Variants in NAALAD2 observed in about 807,000 individuals in gnomAD.
NAALAD2 encodes the protein N-acetylated-alpha-linked acidic dipeptidase 2.
In NAALAD2, 89 loss-of-function variants were observed where a neutral mutation model predicts 95.6. The ratio of observed to expected loss-of-function variants is 0.93; its 90% CI spans 0.78 to 1.11. The LOEUF is 1.11. Ranked by LOEUF, NAALAD2 falls within the 50% of genes least tolerant of loss-of-function variation. The pLI, the probability that NAALAD2 is intolerant of heterozygous loss-of-function variation, is 0.00. For synonymous variants in NAALAD2, 264 were observed against 294.4 expected, an observed-to-expected ratio of 0.90 and a Z score of 1.06; for missense variants, 894 against 872.4, an observed-to-expected ratio of 1.02 and a Z score of -0.31.
intron 15 of NAALAD2, 25 bp downstream of exon 15, chr11:90,176,087 A>G (rs774872987): frequency 1.9e-6 from 3 of 1,556,564 alleles, no homozygotes; most frequent in Non-Finnish European, 2.7e-6. Context: ...CATTTTGAAT[A>G]TATAACATTT....
chr11:90,158,254 T>G lies in NAALAD2; in HGVS notation c.890+16T>G, dbSNP rs1429767346. 1.3e-6 allele frequency: 2 copies of G among 1,563,184 alleles called. No individual in the cohort carries two copies. The highest frequency in any genetic ancestry group is 2.7e-5 in the African/African-American group (2 of 73,854). On this transcript the variant is annotated intron_variant, in intron 7 of 18. Coordinates refer to ENST00000534061, the MANE Select transcript of NAALAD2 (RefSeq NM_005467.4). ...TATTATTACGGTATAGTTTTCTTGT[T>G]GGATATGAGATTAAGATATTTTGCA...
At chr11:90,140,945 A>G (rs1486679892) in intron 2 of NAALAD2, among the ~76,000 whole-genome samples, 1 of 152,162 alleles carries the variant, frequency 6.6e-6, no homozygotes, top group East Asian at 1.9e-4. Context: ...CAACTGCTCT[A>G]TCACCATTTG....
intron 4 of NAALAD2, 145 bp from the exon 5 acceptor site, chr11:90,150,337 G>T: frequency 2.4e-6 from 1 of 410,336 alleles, no homozygotes; most frequent in South Asian, 6.8e-5. Flanking sequence ...AATGAATTCT[G>T]CATAATTACT....
rs1952083054 is a variant in NAALAD2, at chr11:90,155,682, TACA to T, written c.797-2462_797-2460del. On this transcript the variant is annotated intron_variant, in intron 6 of 18. Coordinates refer to ENST00000534061, the MANE Select transcript of NAALAD2 (RefSeq NM_005467.4). ...ATGTATTATTATTGTATGTATGTAA[TACA>T]TACATACATATGTATGTATTATTAT... Among the ~76,000 whole-genome samples, 4 of 42,116 alleles carry T rather than the reference TACA, an allele frequency of 9.5e-5. 1 individual carries two copies. Among genetic ancestry groups the T allele is most frequent in the African/African-American group, 6.7e-4 (4 of 5,992 alleles). The allele number at this position is 42,116 out of a possible 152,430, so 27.6% of individuals were successfully genotyped here.
rs1274044897 is a variant in NAALAD2, at chr11:90,173,886, C to T, written c.1473C>T (p.Asp491=). 6 of 1,612,198 alleles carry T rather than the reference C, an allele frequency of 3.7e-6. No individual in the cohort carries two copies. In the South Asian group the frequency reaches 6.6e-5, roughly 18 times the overall value. The change falls in exon 14 of 19, where the codon GAC becomes GAT. Residue 491 remains aspartate (D), a synonymous_variant. Coordinates refer to ENST00000534061, the MANE Select transcript of NAALAD2 (RefSeq NM_005467.4). The part of the protein sequence containing the change: ...KSLYESWLEK[D]PSPENKNLPR... ...TGTATGAAAGCTGGTTGGAAAAAGACCCTTCACCTGAAAATAAAAATTTGC... is the reference window on the plus strand; with the variant it reads ...TGTATGAAAGCTGGTTGGAAAAAGATCCTTCACCTGAAAATAAAAATTTGC...
At chr11:90,151,298 G>GCCC (rs1400634260) in intron 5 of NAALAD2, among the ~76,000 whole-genome samples, 8 of 152,170 alleles carry the variant, frequency 5.3e-5, no homozygotes, top group African/African-American at 1.9e-4. Flanking sequence ...ACTTAGGAAA[G>GCCC]TGGCTGGTAC....
intron 2 of NAALAD2, among the ~76,000 whole-genome samples, chr11:90,137,411 AT>A (rs142993404): frequency 0.047 from 7,228 of 152,260 alleles, 556 homozygotes; most frequent in African/African-American, 0.17. Context: ...GGTGATAGAT[AT>A]CCTAACTACT....
intron 16 of NAALAD2, among the ~76,000 whole-genome samples, chr11:90,179,494 ATAT>A (rs1200937510): frequency 6.6e-6 from 1 of 152,134 alleles, no homozygotes; most frequent in African/African-American, 2.4e-5. Context: ...TCTTTATATA[ATAT>A]TATATACAGG....
intron 8 of NAALAD2, among the ~76,000 whole-genome samples, chr11:90,159,924 A>G (rs1262369075): frequency 2.1e-5 from 3 of 144,114 alleles, no homozygotes; most frequent in Non-Finnish European, 4.5e-5. Context: ...ATTGCACTTG[A>G]GCCTGGCCAA....
In NAALAD2 at chr11:90,135,563, G is replaced by T. The variant is rs1211282423; in HGVS notation, c.87G>T (p.Trp29Cys). 2.5e-6 allele frequency: 4 copies of T among 1,606,034 alleles called. No individual in the cohort carries two copies. The highest frequency in any genetic ancestry group is 3.4e-6 in the Non-Finnish European group (4 of 1,175,952). ...TTGTGTATTTTTTTTCCTTAGGCTG[G>T]TTTATTAAGCCTCTCAAAGAAACGA... ...ASFLMGFMVG[W>C]FIKPLKETTT... Residue 29 changes from tryptophan (W) to cysteine (C), a missense_variant, in exon 2 of 19, where the codon TGG (tryptophan) becomes TGT (cysteine). Transcript: ENST00000534061.
intron 5 of NAALAD2, 151 bp downstream of exon 5, chr11:90,150,758 G>T: frequency 2.1e-6 from 1 of 482,362 alleles, no homozygotes; most frequent in African/African-American, 2.1e-5. Context: ...GGAAACTCAT[G>T]TTTTTATGTT....
chr11:90,158,544 T>C (rs1396612850), intron 7 of NAALAD2: 1 of 254,958 alleles, frequency 3.9e-6, no homozygotes, highest in Admixed American at 5.7e-5. Flanking sequence ...ATTCATTAGA[T>C]ATTTATATTC....
chr11:90,170,166 C>T (rs3758754), intron 13 of NAALAD2, 30 bp downstream of exon 13: 507,110 of 1,309,430 alleles, frequency 0.39, 102,789 homozygotes, highest in African/African-American at 0.58. Context: ...TTCATATGTT[C>T]TCTTTTGAAT....
chr11:90,147,499 G>T lies in NAALAD2; in HGVS notation c.364G>T (p.Asp122Tyr). The T allele has an allele frequency of 1.9e-6, 3 of 1,607,210 alleles. No individual in the cohort carries two copies. Among genetic ancestry groups the T allele is most frequent in the Non-Finnish European group, 2.5e-6 (3 of 1,177,050 alleles). Residue 122 changes from aspartate to tyrosine, a missense_variant, in exon 3 of 19, where the codon GAT (aspartate) becomes TAT (tyrosine). Transcript: ENST00000534061. ...ETNANYISIV[D>Y]EHETEIFKTS... Reference sequence around the variant, plus strand: ...AAATGCCAACTATATATCGATTGTGGATGAACATGAAACTGAGGTATGTGA... The same window carrying T: ...AAATGCCAACTATATATCGATTGTGTATGAACATGAAACTGAGGTATGTGA...
At chr11:90,178,400 G>C (rs1025962909) in intron 16 of NAALAD2, among the ~76,000 whole-genome samples, 1 of 152,080 alleles carries the variant, frequency 6.6e-6, no homozygotes, top group African/African-American at 2.4e-5. Context: ...GGCTGGGTGC[G>C]GTGGCTCACG....
intron 15 of NAALAD2, among the ~76,000 whole-genome samples, chr11:90,177,586 G>GGTTT (rs1952832778): frequency 3.5e-5 from 1 of 28,456 alleles, no homozygotes; most frequent in East Asian, 1.2e-3. Context: ...TCTTTTTCTT[G>GGTTT]TTTTTTTTTT....
At position 90,170,076 on chromosome 11, in the gene NAALAD2, T is replaced by C; in HGVS notation, c.1350T>C (p.Tyr450=). 1.3e-6 allele frequency: 2 copies of C among 1,573,882 alleles called. No homozygotes were observed. Among genetic ancestry groups the C allele is most frequent in the African/African-American group, 1.3e-5 (1 of 74,190 alleles). Residue 450 remains tyrosine (Y), a synonymous_variant, in exon 13 of 19, where the codon TAT becomes TAC. Transcript: ENST00000534061. ...GTCTTATTTATTTTTCAGGCAATTA[T>C]ACTCTCAGAGTTGACTGTACTCCCC... is the stretch of plus-strand genomic sequence containing the variant. ...INSDSSIEGN[Y]TLRVDCTPLL... is the part of the protein sequence containing the mutation.
Position 90,140,802 on chromosome 11 carries a change from C to A in NAALAD2, c.194+5132C>A, listed in dbSNP as rs1185259074. On this transcript the variant is annotated intron_variant, in intron 2 of 18. Transcript: ENST00000534061. ...AGAACTCTTTGATCTGGACTTTGACCAATTTTGTCTTCTTTTTTCCCCCAG... is the reference window on the plus strand; with the variant it reads ...AGAACTCTTTGATCTGGACTTTGACAAATTTTGTCTTCTTTTTTCCCCCAG... 2.6e-5 allele frequency among the ~76,000 whole-genome samples: 4 copies of A among 151,930 alleles called. No homozygotes were observed. In the South Asian group the frequency reaches 8.3e-4, roughly 32 times the overall value.
At chr11:90,162,903 A>C in intron 8 of NAALAD2, 46 bp from the exon 9 acceptor site, 2 of 1,088,318 alleles carry the variant, frequency 1.8e-6, no homozygotes, top group Non-Finnish European at 2.7e-6. Flanking sequence ...CACTGTAAAA[A>C]ACATAATTTG....
Sources: allele counts gnomAD v4.1 joint callset (sites outside exome capture counted in the v4.1 genomes callset), GRCh38; gene constraint gnomAD v4.1.1; transcripts MANE v1.5; gene names NCBI Gene and HGNC (gene_info 2026-07-23, HGNC 2026-07-21).